The following FAM193A variants were observed in gnomAD, a reference collection of about 807,000 sequenced individuals.
FAM193A encodes protein FAM193A.
A neutral mutation model predicts 126.5 loss-of-function variants in FAM193A; 22 were observed. The observed-to-expected ratio is 0.17, with a 90% CI of 0.12 to 0.25. FAM193A has a LOEUF of 0.25. FAM193A is among the 10% of genes least tolerant of loss of function. The pLI is 1.00. For synonymous variants in FAM193A, 761 were observed against 646.8 expected (o/e 1.18, Z -2.68); for missense variants, 1,675 against 1,672.8 (o/e 1.00, Z -0.02).
intron 12 of FAM193A, 152 bp downstream of exon 12, chr4:2,663,440 TG>T: frequency 1.7e-6 from 1 of 598,938 alleles, no homozygotes; most frequent in Non-Finnish European, 2.7e-6. Context: ...AATCTCCATT[TG>T]AATCTTGTTT....
intron 1 of FAM193A, among the ~76,000 whole-genome samples, chr4:2,563,922 A>G (rs1350807033): frequency 6.6e-6 from 1 of 152,176 alleles, no homozygotes; most frequent in East Asian, 1.9e-4. Flanking sequence ...GCACTACACA[A>G]TCTAGTATTT....
rs374794105 is a variant in FAM193A, at chr4:2,699,814, G to C, written c.3642G>C (p.Arg1214=). 6.2e-7 allele frequency: 1 copy of C among 1,613,752 alleles called. No individual in the cohort carries two copies. The highest frequency in any genetic ancestry group is 8.5e-7 in the Non-Finnish European group (1 of 1,179,908). ...ATCGTTTCAAGGAGGAATTTCAGCG[G>C]CTTCAGGAGCTTCAGAAGCTAAGAG... ...EEDRFKEEFQ[R]LQELQKLRAV... Residue 1214 remains arginine, a synonymous_variant, in exon 19 of 21, where the codon CGG becomes CGC. Transcript: ENST00000637812.
At chr4:2,624,053 G>T (rs945692934) in intron 2 of FAM193A, among the ~76,000 whole-genome samples, 3 of 152,152 alleles carry the variant, frequency 2.0e-5, no homozygotes, top group Admixed American at 2.0e-4. Context: ...TCTAGAAGGA[G>T]CCTTGGTGCC....
chr4:2,566,078 C>A (rs1302875898), intron 1 of FAM193A, among the ~76,000 whole-genome samples: 3 of 149,460 alleles, frequency 2.0e-5, no homozygotes, highest in Non-Finnish European at 4.4e-5. Context: ...GACGGAGTCT[C>A]GCTCTGTCGC....
intron 1 of FAM193A, among the ~76,000 whole-genome samples, chr4:2,543,139 G>T (rs917077372): frequency 6.6e-6 from 1 of 151,132 alleles, no homozygotes. Flanking sequence ...CCAGGCTGGA[G>T]TGCCCTGGCG....
At chr4:2,579,534 C>T (rs1010590391) in intron 1 of FAM193A, among the ~76,000 whole-genome samples, 6 of 151,918 alleles carry the variant, frequency 3.9e-5, no homozygotes, top group African/African-American at 1.2e-4. Context: ...CCTTTCTCTA[C>T]AAAAAATAAA....
chr4:2,648,310 T>C (rs1232358832), intron 7 of FAM193A, among the ~76,000 whole-genome samples: 1 of 152,176 alleles, frequency 6.6e-6, no homozygotes. Flanking sequence ...CCCATGACTC[T>C]GCGCCTCTTC....
intron 13 of FAM193A, among the ~76,000 whole-genome samples, chr4:2,674,763 G>A (rs1012288028): frequency 6.6e-6 from 1 of 151,536 alleles, no homozygotes; most frequent in Non-Finnish European, 1.5e-5. Context: ...GCTTTGGGAG[G>A]CTGACGTGAG....
chr4:2,596,074 TC>T lies in FAM193A; in HGVS notation c.256-9del. 3 of 682,320 alleles carry T rather than the reference TC, an allele frequency of 4.4e-6. No individual in the cohort carries two copies. The highest frequency in any genetic ancestry group is 8.0e-6 in the Non-Finnish European group (3 of 375,088). 42.3% of individuals were successfully genotyped at this position (682,320 alleles called of 1,614,324 possible). A position where few individuals can be genotyped will look rare whatever the true frequency, so the allele number is the denominator to read the frequency against. On this transcript the variant is annotated splice_polypyrimidine_tract_variant and intron_variant, in intron 1 of 20. Coordinates refer to ENST00000637812, the MANE Select transcript of FAM193A (RefSeq NM_001366318.2). ...GGTTTTGAAAATAGAATTTTTTTTTTCTATTCCAGACTCCTTTTAGTTTTGG... is the reference window on the plus strand; with the variant it reads ...GGTTTTGAAAATAGAATTTTTTTTTTTATTCCAGACTCCTTTTAGTTTTGG...
chr4:2,662,811 C>T (rs376340172), intron 10 of FAM193A, 27 bp from the exon 11 acceptor site: 387 of 1,589,756 alleles, frequency 2.4e-4, no homozygotes, highest in Admixed American at 5.5e-4. Context: ...TGAATGACCT[C>T]ACAGTGACCA....
At chr4:2,706,487 G>T (rs1718328220) in intron 19 of FAM193A, among the ~76,000 whole-genome samples, 1 of 151,376 alleles carries the variant, frequency 6.6e-6, no homozygotes, top group South Asian at 2.1e-4. Context: ...GTAGAGACAG[G>T]GTTTCTCCTT....
intron 1 of FAM193A, among the ~76,000 whole-genome samples, chr4:2,563,418 CAG>C (rs769243181): frequency 2.0e-5 from 3 of 151,924 alleles, no homozygotes; most frequent in Non-Finnish European, 2.9e-5. Flanking sequence ...TTCACAAAAA[CAG>C]AGACTGGGCA....
Position 2,694,992 on chromosome 4 carries a change from C to T in FAM193A, c.3139C>T (p.Pro1047Ser), listed in dbSNP as rs1716873472. ...CCGCTGCGAGAATGGTGTCTACGAC[C>T]CACAGCAGGATGATGGGGACGAGAG... is the stretch of plus-strand genomic sequence containing the variant. ...GHRCENGVYD[P>S]QQDDGDESAD... Residue 1047 changes from proline (P) to serine (S), a missense_variant, in exon 17 of 21, where the codon CCA becomes TCA. Pro to Ser is a moderately conservative substitution (Grantham distance 74, BLOSUM62 -1). Around this residue, in one of 4 missense-constraint regions of FAM193A, gnomAD observed 1,186 missense variants for 1,109.2 expected, o/e 1.07. Coordinates refer to ENST00000637812, the MANE Select transcript of FAM193A (RefSeq NM_001366318.2). 11 of 1,606,836 alleles carry T rather than the reference C, an allele frequency of 6.8e-6. No homozygotes were observed. The highest frequency in any genetic ancestry group is 9.3e-6 in the Non-Finnish European group (11 of 1,177,112).
intron 2 of FAM193A, among the ~76,000 whole-genome samples, chr4:2,614,723 A>C (rs1248545741): frequency 6.6e-6 from 1 of 152,234 alleles, no homozygotes; most frequent in African/African-American, 2.4e-5. Context: ...ATTCACCAGT[A>C]AAGCTGTCTT....
chr4:2,545,942 G>A (rs1737518691), intron 1 of FAM193A, among the ~76,000 whole-genome samples: 1 of 152,168 alleles, frequency 6.6e-6, no homozygotes, highest in Non-Finnish European at 1.5e-5. Flanking sequence ...GAGGTCAGGA[G>A]TTTGAGACCA....
chr4:2,730,369 A>G (rs1226710747), intron 20 of FAM193A, among the ~76,000 whole-genome samples: 1 of 152,102 alleles, frequency 6.6e-6, no homozygotes, highest in Admixed American at 6.6e-5. Context: ...TGTGTATACA[A>G]TTTTTTCGAG....
chr4:2,674,879 C>G (rs563509296), intron 13 of FAM193A, among the ~76,000 whole-genome samples: 6 of 150,484 alleles, frequency 4.0e-5, no homozygotes, highest in Admixed American at 1.3e-4. Flanking sequence ...GACTTGAAGA[C>G]TAATTTCTGT....
intron 13 of FAM193A, among the ~76,000 whole-genome samples, chr4:2,687,067 T>A (rs1398909653): frequency 6.6e-6 from 1 of 152,104 alleles, no homozygotes; most frequent in African/African-American, 2.4e-5. Flanking sequence ...GTCCTGAGTG[T>A]CTGCTCTACC....
At chr4:2,670,930 G>A (rs544188246) in intron 12 of FAM193A, among the ~76,000 whole-genome samples, 23 of 152,274 alleles carry the variant, frequency 1.5e-4, no homozygotes, top group African/African-American at 5.3e-4. Flanking sequence ...TGCAGGACCT[G>A]TATCTCCCAC....
Sources: allele counts gnomAD v4.1 joint callset (sites outside exome capture counted in the v4.1 genomes callset), GRCh38; gene constraint gnomAD v4.1.1; regional missense constraint gnomAD v4.1.1; transcripts MANE v1.5; gene names NCBI Gene and HGNC (gene_info 2026-07-23, HGNC 2026-07-21).